The following NRIP1 variants were observed in gnomAD, a reference collection of about 807,000 sequenced individuals.
NRIP1 encodes nuclear receptor interacting protein 1.
In NRIP1, 28 loss-of-function variants were observed where a neutral mutation model predicts 75.0. The observed-to-expected ratio is 0.37, with a 90% CI of 0.28 to 0.51. The LOEUF (loss-of-function observed/expected upper bound fraction) is 0.51, where lower values mean the gene tolerates loss of function less well. Among genes scored for constraint, NRIP1 ranks in the 20% least tolerant of loss-of-function variants. NRIP1 has a pLI of 0.92. For missense variants in NRIP1, 1,435 were observed against 1,343.7 expected (o/e 1.07, Z -1.06); for synonymous variants, 526 against 487.6 (o/e 1.08, Z -1.04).
chr21:14,989,019 C>T (rs545500486), intron 3 of NRIP1, among the ~76,000 whole-genome samples: 42 of 152,204 alleles, frequency 2.8e-4, no homozygotes, highest in Non-Finnish European at 4.6e-4. Context: ...CAAAGTACTC[C>T]GATCACCAGG....
chr21:14,970,540 T>C (rs577550291), intron 3 of NRIP1, among the ~76,000 whole-genome samples: 48 of 152,278 alleles, frequency 3.2e-4, no homozygotes, highest in Non-Finnish European at 1.3e-4. Context: ...AATGACACTC[T>C]ATCTCAAAAC....
chr21:14,965,807 G>A lies in NRIP1; in HGVS notation c.2386C>T (p.Pro796Ser), dbSNP rs1179369584. 2 of 1,613,852 alleles carry A rather than the reference G, an allele frequency of 1.2e-6. No individual in the cohort carries two copies. The highest frequency in any genetic ancestry group is 1.7e-5 in the Admixed American group (1 of 59,954). The change falls in exon 4 of 4, where the codon CCA becomes TCA. Residue 796 changes from proline (P) to serine (S), a missense_variant. Transcript: ENST00000318948. Reference sequence around the variant, plus strand: ...TCCGATTTAAAGTCTTCGGACACTGGTAAGGCAGGTGCGCTTCTCTGCACA... The same window carrying A: ...TCCGATTTAAAGTCTTCGGACACTGATAAGGCAGGTGCGCTTCTCTGCACA... Reference protein sequence around the residue: ...PAVQRSAPALPVSEDFKSEPV... With the variant: ...PAVQRSAPALSVSEDFKSEPV...
In NRIP1 at chr21:15,004,987, G is replaced by C. The variant is rs2087931128; in HGVS notation, c.-335+9357C>G. ...CAGCCATGTGATAATGTTTCTAGGA[G>C]ATAGATGTCATGGGGAGAAAACTTC... On this transcript the variant is annotated intron_variant, in intron 3 of 3. Transcript: ENST00000318948. Among the ~76,000 whole-genome samples the C allele has an allele frequency of 2.0e-5, 3 of 152,312 alleles. No individual in the cohort carries two copies. In the South Asian group the frequency reaches 6.2e-4, roughly 32 times the overall value.
At chr21:15,057,954 G>A (rs936228277) in intron 1 of NRIP1, among the ~76,000 whole-genome samples, 15 of 152,144 alleles carry the variant, frequency 9.9e-5, no homozygotes, top group African/African-American at 3.6e-4. Context: ...AAAGGCAACA[G>A]CCAAGTAACT....
In NRIP1 at chr21:14,966,625, T is replaced by G; in HGVS notation, c.1568A>C (p.His523Pro). Residue 523 changes from histidine (H) to proline (P), a missense_variant, in exon 4 of 4, where the codon CAC (histidine) becomes CCC (proline). By Grantham distance (77) the His-to-Pro change is moderately conservative (BLOSUM62 -2). Transcript: ENST00000318948. ...TGTATTGAACTTGCTCACATCATTG[T>G]GTACTCCCTGAGGGCTGGTGTTTTT... ...VEKNTSPQGV[H>P]NDVSKFNTQN... 6.2e-7 allele frequency: 1 copy of G among 1,614,184 alleles called. No homozygotes were observed. Among genetic ancestry groups the G allele is most frequent in the Non-Finnish European group, 8.5e-7 (1 of 1,180,012 alleles).
chr21:15,015,757 A>G (rs2147181614), intron 2 of NRIP1, among the ~76,000 whole-genome samples: 1 of 152,296 alleles, frequency 6.6e-6, no homozygotes, highest in African/African-American at 2.4e-5. Context: ...TTTGTTTTAA[A>G]CAAAAGTAAA....
rs2146908347 is a variant in NRIP1 at position 14,964,063 on chromosome 21, A to G, written c.*653T>C. 6.6e-6 allele frequency: 1 copy of G among 152,666 alleles called. No individual in the cohort carries two copies. Among genetic ancestry groups the G allele is most frequent in the African/African-American group, 2.4e-5 (1 of 41,556 alleles). 9.5% of individuals were successfully genotyped at this position (152,666 alleles called of 1,614,324 possible). A position where few individuals can be genotyped will look rare whatever the true frequency, so the allele number is the denominator to read the frequency against. The stretch of plus-strand genomic sequence containing the variant: ...TATCAAACTTCCCTCAATTGTAATC[A>G]ATTTTTACTAAGTAGCACAAGGTTT... On this transcript the variant is annotated 3_prime_UTR_variant, in exon 4 of 4. Transcript: ENST00000318948.
intron 3 of NRIP1, among the ~76,000 whole-genome samples, chr21:15,001,393 G>A (rs1257344465): frequency 6.6e-6 from 1 of 152,108 alleles, no homozygotes; most frequent in Non-Finnish European, 1.5e-5. Context: ...AAAAAGTGCA[G>A]CTATGACCAC....
At chr21:14,996,150 T>A (rs767803709) in intron 3 of NRIP1, among the ~76,000 whole-genome samples, 1 of 152,212 alleles carries the variant, frequency 6.6e-6, no homozygotes, top group Non-Finnish European at 1.5e-5. Flanking sequence ...TAACAAAACA[T>A]ACCATGGTAT....
Position 14,965,426 on chromosome 21 carries a change from G to T in NRIP1, c.2767C>A (p.His923Asn). 1.2e-6 allele frequency: 2 copies of T among 1,613,980 alleles called. No homozygotes were observed. The highest frequency in any genetic ancestry group is 1.7e-6 in the Non-Finnish European group (2 of 1,179,918). ...TTGCTCTCTCTGGCCCAACTCCTGT[G>T]TTCACTTTCGCTGGCTGAGCCATGA... is the stretch of plus-strand genomic sequence containing the variant. ...AGHGSASESE[H>N]RSWARESKSF... Residue 923 changes from histidine to asparagine, a missense_variant, in exon 4 of 4, where the codon CAC becomes AAC. Transcript: ENST00000318948.
In NRIP1 at chr21:15,064,897, G is replaced by GGC. The variant is rs1299875372; in HGVS notation, c.-692_-691dup. 2 of 148,374 alleles carry GGC rather than the reference G, an allele frequency of 1.3e-5. No homozygotes were observed. The highest frequency in any genetic ancestry group is 3.0e-5 in the Non-Finnish European group (2 of 66,578). The allele number at this position is 148,374 out of a possible 1,614,324, so 9.2% of individuals were successfully genotyped here. ...GCGGACGCGAGGCCACGGGCGGACG[G>GGC]GCGCGCGCGGGTGGCGGGCGGGCGT... On this transcript the variant is annotated 5_prime_UTR_variant, in exon 1 of 4. Transcript: ENST00000318948.
upstream of NRIP1, among the ~76,000 whole-genome samples, chr21:15,065,301 C>G (rs1568744604): frequency 6.6e-6 from 1 of 151,966 alleles, no homozygotes; most frequent in African/African-American, 2.4e-5. Context: ...GAGAGGACCG[C>G]GTCCCCGAGA....
chr21:14,996,788 T>C (rs2087740618), intron 3 of NRIP1, among the ~76,000 whole-genome samples: 1 of 152,012 alleles, frequency 6.6e-6, no homozygotes, highest in South Asian at 2.1e-4. Flanking sequence ...ACTTCTAACA[T>C]AATATTCAGA....
At chr21:14,974,730 A>G (rs2087002916) in intron 3 of NRIP1, among the ~76,000 whole-genome samples, 1 of 152,222 alleles carries the variant, frequency 6.6e-6, no homozygotes, top group Non-Finnish European at 1.5e-5. Context: ...TGAATAACTA[A>G]CTGTATGAAA....
chr21:14,983,371 A>C (rs1457134489), intron 3 of NRIP1, among the ~76,000 whole-genome samples: 2 of 152,192 alleles, frequency 1.3e-5, no homozygotes, highest in African/African-American at 4.8e-5. Context: ...ACCAAAGCCT[A>C]ATCCAGAGCA....
At chr21:14,993,649 G>A (rs975276954) in intron 3 of NRIP1, among the ~76,000 whole-genome samples, 3 of 151,958 alleles carry the variant, frequency 2.0e-5, no homozygotes, top group Admixed American at 1.3e-4. Context: ...GCTGGGTGTG[G>A]TGGCACGTGC....
At chr21:15,002,363 C>T (rs1006410265) in intron 3 of NRIP1, 4 of 152,156 alleles carry the variant, frequency 2.6e-5, no homozygotes, top group African/African-American at 9.7e-5. Context: ...GCTGAGATAA[C>T]CACAACTACT....
At chr21:15,052,720 T>C (rs2147375300) in intron 1 of NRIP1, among the ~76,000 whole-genome samples, 1 of 152,252 alleles carries the variant, frequency 6.6e-6, no homozygotes, top group East Asian at 1.9e-4. Context: ...TTACCAGAAT[T>C]CCAAAAAACA....
At chr21:15,000,880 C>T (rs2087834762) in intron 3 of NRIP1, among the ~76,000 whole-genome samples, 1 of 152,064 alleles carries the variant, frequency 6.6e-6, no homozygotes, top group Non-Finnish European at 1.5e-5. Context: ...AAAACATCCC[C>T]TTTATAGACA....
Sources: gnomAD v4.1 joint callset for allele counts (sites outside exome capture counted in the v4.1 genomes callset) on GRCh38, gnomAD v4.1.1 for gene constraint, MANE v1.5 for transcripts, NCBI Gene and HGNC (gene_info 2026-07-23, HGNC 2026-07-21) for gene names.